Variants in SYN3 observed in about 807,000 individuals in gnomAD.
SYN3 encodes synapsin-3.
In SYN3, 35 loss-of-function variants were observed where a neutral mutation model predicts 65.8. That is an observed-to-expected ratio of 0.53 (90% CI 0.41 to 0.70). SYN3 has a LOEUF of 0.70. Ranked by LOEUF, SYN3 falls within the 30% of genes least tolerant of loss-of-function variation. The pLI is 0.00. For missense variants in SYN3, 680 were observed against 749.0 expected (o/e 0.91, Z 1.08); for synonymous variants, 270 against 292.9 (o/e 0.92, Z 0.80).
At chr22:32,808,878 T>C (rs913882288) in intron 6 of SYN3, among the ~76,000 whole-genome samples, 1 of 152,132 alleles carries the variant, frequency 6.6e-6, no homozygotes, top group Admixed American at 6.5e-5. Flanking sequence ...GAGAAAGAAC[T>C]TAGGGCTGCG....
rs985221068 is a variant in SYN3, at chr22:32,777,316, C to A, written c.711+87599G>T. Among the ~76,000 whole-genome samples the A allele has an allele frequency of 2.6e-5, 4 of 152,094 alleles. No homozygotes were observed. In the East Asian group the frequency reaches 7.7e-4, roughly 29 times the overall value. On this transcript the variant is annotated intron_variant, in intron 6 of 13. Transcript: ENST00000358763. ...AGAAATTCTTTCTGGTTGGGAGAAT[C>A]CTAAAAAGGGGAAACTGGCATATGG...
chr22:32,948,673 C>T (rs1410070812), intron 3 of SYN3, among the ~76,000 whole-genome samples: 1 of 151,988 alleles, frequency 6.6e-6, no homozygotes, highest in Admixed American at 6.6e-5. Flanking sequence ...CGAGGCGGAG[C>T]TTGCAGTGAG....
Position 32,780,912 on chromosome 22 carries a change from GCTTC to G in SYN3, c.711+83999_711+84002del, listed in dbSNP as rs35821823. ...GCCTGCCTGCCTGCCTGCCTTCCTT[GCTTC>G]CTTCCTTCCTTCCTTCCTTTCCTTC... On this transcript the variant is annotated intron_variant, in intron 6 of 13. Transcript: ENST00000358763. 7.6e-4 allele frequency among the ~76,000 whole-genome samples: 97 copies of G among 127,468 alleles called. 1 individual carries two copies. The highest frequency in any genetic ancestry group is 2.0e-3 in the African/African-American group (67 of 34,056). 83.6% of individuals were successfully genotyped at this position (127,468 alleles called of 152,430 possible). A position where few individuals can be genotyped will look rare whatever the true frequency, so the allele number is the denominator to read the frequency against.
At chr22:32,597,479 G>A (rs890872502) in intron 6 of SYN3, among the ~76,000 whole-genome samples, 18 of 152,200 alleles carry the variant, frequency 1.2e-4, no homozygotes, top group African/African-American at 4.1e-4. Flanking sequence ...GCCTCCTGAA[G>A]TGCTGGGGTT....
intron 6 of SYN3, among the ~76,000 whole-genome samples, chr22:32,815,756 T>G (rs1440532224): frequency 6.6e-6 from 1 of 152,196 alleles, no homozygotes; most frequent in Non-Finnish European, 1.5e-5. Context: ...ACTAGGTAAC[T>G]TACCTAGTAT....
chr22:32,889,870 T>C (rs1033017575), intron 4 of SYN3, among the ~76,000 whole-genome samples: 1 of 152,086 alleles, frequency 6.6e-6, no homozygotes, highest in African/African-American at 2.4e-5. Context: ...ATTTACTTAC[T>C]GAATCAAAGG....
chr22:32,644,020 G>A (rs131061), intron 6 of SYN3, among the ~76,000 whole-genome samples: 46,625 of 133,138 alleles, frequency 0.35, 8,079 homozygotes, highest in African/African-American at 0.41. Context: ...GGAGGTTGTA[G>A]TGAGCCGAGA....
chr22:32,973,813 T>C (rs533658091), intron 3 of SYN3, among the ~76,000 whole-genome samples: 19 of 152,328 alleles, frequency 1.2e-4, no homozygotes, highest in African/African-American at 4.6e-4. Context: ...GTTTGTTTGT[T>C]TCAGACAGAG....
At chr22:32,819,531 G>A (rs2146048035) in intron 6 of SYN3, among the ~76,000 whole-genome samples, 2 of 152,280 alleles carry the variant, frequency 1.3e-5, no homozygotes, top group Middle Eastern at 6.8e-3. Flanking sequence ...TTCTCTCCTT[G>A]AACACAGGTT....
At chr22:32,564,386 A>G (rs1244681862) in intron 7 of SYN3, among the ~76,000 whole-genome samples, 1 of 152,220 alleles carries the variant, frequency 6.6e-6, no homozygotes, top group East Asian at 1.9e-4. Context: ...GCTCCCAGCC[A>G]TAAACCAAGG....
At chr22:32,902,465 G>A (rs569488298) in intron 4 of SYN3, among the ~76,000 whole-genome samples, 3 of 152,314 alleles carry the variant, frequency 2.0e-5, no homozygotes, top group African/African-American at 7.2e-5. Flanking sequence ...GAAGATAGAG[G>A]AAGCCATTTG....
intron 6 of SYN3, among the ~76,000 whole-genome samples, chr22:32,790,478 T>C (rs1039351034): frequency 6.6e-6 from 1 of 151,780 alleles, no homozygotes; most frequent in Non-Finnish European, 1.5e-5. Flanking sequence ...CAGGATGGAG[T>C]GCAGTGGCAT....
At chr22:33,040,886 C>T (rs1000368534) in intron 1 of SYN3, among the ~76,000 whole-genome samples, 4 of 152,074 alleles carry the variant, frequency 2.6e-5, no homozygotes, top group African/African-American at 9.7e-5. Flanking sequence ...GTCAATTAAA[C>T]CTCTTTCCTT....
intron 4 of SYN3, among the ~76,000 whole-genome samples, chr22:32,915,926 G>T (rs1279701378): frequency 6.6e-6 from 1 of 152,164 alleles, no homozygotes; most frequent in African/African-American, 2.4e-5. Flanking sequence ...TCCACTGAGA[G>T]GTGGGGTGTC....
intron 7 of SYN3, among the ~76,000 whole-genome samples, chr22:32,582,825 T>C (rs2058969043): frequency 6.6e-6 from 1 of 152,218 alleles, no homozygotes. Context: ...ATCGGTGCCC[T>C]TGGCTGCTGA....
At chr22:32,802,775 A>C (rs1376480226) in intron 6 of SYN3, among the ~76,000 whole-genome samples, 1 of 152,220 alleles carries the variant, frequency 6.6e-6, no homozygotes, top group African/African-American at 2.4e-5. Context: ...GATAGCCAGC[A>C]GAAGGTGCGA....
chr22:32,750,738 G>T (rs950933581), intron 6 of SYN3, among the ~76,000 whole-genome samples: 2 of 152,208 alleles, frequency 1.3e-5, no homozygotes, highest in Admixed American at 6.5e-5. Flanking sequence ...TCTGGACCTT[G>T]GGATTACAGG....
chr22:33,006,138 T>C (rs959092220), intron 2 of SYN3, among the ~76,000 whole-genome samples: 4 of 152,152 alleles, frequency 2.6e-5, no homozygotes, highest in East Asian at 1.9e-4. Context: ...GACCTGTAAA[T>C]ATAAAGCCCT....
intron 6 of SYN3, among the ~76,000 whole-genome samples, chr22:32,678,815 T>C (rs1270430978): frequency 6.6e-6 from 1 of 152,128 alleles, no homozygotes; most frequent in African/African-American, 2.4e-5. Flanking sequence ...TGCTGGCTCT[T>C]CTTTTTTAAA....
Sources: allele counts gnomAD v4.1 joint callset (sites outside exome capture counted in the v4.1 genomes callset), GRCh38; gene constraint gnomAD v4.1.1; transcripts MANE v1.5; gene names NCBI Gene and HGNC (gene_info 2026-07-23, HGNC 2026-07-21).